The following LDLRAD4 variants were observed in gnomAD, a reference collection of about 807,000 sequenced individuals.
LDLRAD4 encodes low-density lipoprotein receptor class A domain-containing protein 4.
A neutral mutation model predicts 17.0 loss-of-function variants in LDLRAD4; 5 were observed. The ratio of observed to expected loss-of-function variants is 0.29; its 90% CI spans 0.15 to 0.62. The LOEUF (loss-of-function observed/expected upper bound fraction) is 0.62. LDLRAD4 is among the 20% of genes least tolerant of loss of function. The pLI, the probability that LDLRAD4 is intolerant of heterozygous loss-of-function variation, is 0.84. For missense variants in LDLRAD4, 340 were observed against 424.7 expected (o/e 0.80, Z 1.75); for synonymous variants, 168 against 171.8 (o/e 0.98, Z 0.17).
chr18:13,589,136 G>C (rs2094975372), intron 3 of LDLRAD4, among the ~76,000 whole-genome samples: 1 of 152,048 alleles, frequency 6.6e-6, no homozygotes, highest in East Asian at 1.9e-4. Context: ...GTTTTGCTGT[G>C]TTGGCCAGGC....
At chr18:13,391,638 C>G (rs1273132363) in intron 2 of LDLRAD4, among the ~76,000 whole-genome samples, 2 of 151,952 alleles carry the variant, frequency 1.3e-5, no homozygotes, top group Admixed American at 6.6e-5. Flanking sequence ...TTACAAGTAG[C>G]ATCTGCTCAT....
Position 13,400,808 on chromosome 18 carries a change from G to A in LDLRAD4, c.40+13046G>A, listed in dbSNP as rs76317360. On this transcript the variant is annotated intron_variant, in intron 2 of 5. Transcript: ENST00000359446. ...TACGGGCCATGAGGTGAGCCGCGGAGGCCCACTCCTAGATTTATTGACTTC... is the reference window on the plus strand; with the variant it reads ...TACGGGCCATGAGGTGAGCCGCGGAAGCCCACTCCTAGATTTATTGACTTC... Among the ~76,000 whole-genome samples the A allele has an allele frequency of 3.5e-3, 531 of 152,278 alleles. 12 individuals carry two copies. The East Asian group carries it at 0.056, about 16-fold the overall frequency.
intron 3 of LDLRAD4, among the ~76,000 whole-genome samples, chr18:13,599,790 C>G (rs912502411): frequency 6.6e-6 from 1 of 152,048 alleles, no homozygotes; most frequent in Non-Finnish European, 1.5e-5. Flanking sequence ...CGCACCCGGC[C>G]GTGAGTCTCC....
At chr18:13,390,122 C>A (rs1301523570) in intron 2 of LDLRAD4, among the ~76,000 whole-genome samples, 1 of 152,226 alleles carries the variant, frequency 6.6e-6, no homozygotes, top group African/African-American at 2.4e-5. Flanking sequence ...TTTATCATTT[C>A]TTTGTGCTGA....
exon 6 of LDLRAD4, chr18:13,652,674 A>G (rs1370043549): frequency 6.6e-6 from 1 of 152,652 alleles, no homozygotes; most frequent in Non-Finnish European, 1.5e-5. Flanking sequence ...TTTGTTAGTT[A>G]TGAAATCAGA....
At chr18:13,218,592 G>T (rs1344015440), upstream of LDLRAD4, among the ~76,000 whole-genome samples, 1 of 152,132 alleles carries the variant, frequency 6.6e-6, no homozygotes, top group Non-Finnish European at 1.5e-5. Context: ...CGGGAAGGAG[G>T]GGGCGGGCCA....
At chr18:13,480,421 G>A (rs2093054413) in intron 3 of LDLRAD4, among the ~76,000 whole-genome samples, 2 of 152,136 alleles carry the variant, frequency 1.3e-5, no homozygotes, top group Non-Finnish European at 2.9e-5. Flanking sequence ...AGGGAGGGAC[G>A]ATTAGGAGGA....
intron 3 of LDLRAD4, among the ~76,000 whole-genome samples, chr18:13,514,252 A>G (rs375178970): frequency 3.9e-5 from 6 of 152,186 alleles, no homozygotes; most frequent in East Asian, 1.9e-4. Flanking sequence ...TTGGAAGAGT[A>G]AACCGTTTCT....
At chr18:13,472,326 C>T (rs2092800810) in intron 3 of LDLRAD4, 1 of 152,252 alleles carries the variant, frequency 6.6e-6, no homozygotes, top group South Asian at 2.1e-4. Flanking sequence ...TTCATTCAGC[C>T]ACTGGACGGG....
chr18:13,588,177 G>T (rs1192829939), intron 3 of LDLRAD4, among the ~76,000 whole-genome samples: 1 of 152,198 alleles, frequency 6.6e-6, no homozygotes, highest in Non-Finnish European at 1.5e-5. Context: ...GAATTATTTT[G>T]GCTTGAAGCT....
chr18:13,368,601 G>A (rs1224534760), intron 1 of LDLRAD4, among the ~76,000 whole-genome samples: 2 of 152,078 alleles, frequency 1.3e-5, no homozygotes, highest in South Asian at 2.1e-4. Flanking sequence ...GCTGTGTGTC[G>A]GATGCCCTTC....
At chr18:13,285,145 G>T (rs1370986375) in intron 1 of LDLRAD4, among the ~76,000 whole-genome samples, 2 of 152,244 alleles carry the variant, frequency 1.3e-5, no homozygotes, top group Non-Finnish European at 2.9e-5. Flanking sequence ...GAAGCGAAAT[G>T]TGAAGGAGAC....
chr18:13,508,217 T>G (rs1415356102), intron 3 of LDLRAD4, among the ~76,000 whole-genome samples: 1 of 152,166 alleles, frequency 6.6e-6, no homozygotes, highest in Non-Finnish European at 1.5e-5. Context: ...AGGAGAAAAG[T>G]TGGAAGCTAG....
At chr18:13,233,934 T>C (rs756414324) in intron 1 of LDLRAD4, among the ~76,000 whole-genome samples, 4 of 152,054 alleles carry the variant, frequency 2.6e-5, no homozygotes, top group Non-Finnish European at 5.9e-5. Flanking sequence ...ACTGTCCCAT[T>C]CCAGTCACCA....
At chr18:13,580,808 C>T (rs1043180815) in intron 3 of LDLRAD4, among the ~76,000 whole-genome samples, 3 of 152,202 alleles carry the variant, frequency 2.0e-5, no homozygotes, top group Admixed American at 1.3e-4. Flanking sequence ...TGAACTACGG[C>T]TCCCTTTCTA....
At chr18:13,494,482 C>T (rs746892624) in intron 3 of LDLRAD4, among the ~76,000 whole-genome samples, 2 of 150,764 alleles carry the variant, frequency 1.3e-5, no homozygotes, top group Non-Finnish European at 2.9e-5. Flanking sequence ...TATATCTGCC[C>T]TCATAAGACA....
intron 3 of LDLRAD4, among the ~76,000 whole-genome samples, chr18:13,599,780 C>T (rs990265478): frequency 1.2e-4 from 18 of 152,096 alleles, no homozygotes; most frequent in African/African-American, 2.4e-4. Flanking sequence ...CATGAGCCAC[C>T]GCACCCGGCC....
chr18:13,282,220 T>C, intron 1 of LDLRAD4, among the ~76,000 whole-genome samples: 1 of 152,146 alleles, frequency 6.6e-6, no homozygotes, highest in Non-Finnish European at 1.5e-5. Context: ...CCAAACTCTA[T>C]CATCCTGCCC....
upstream of LDLRAD4, among the ~76,000 whole-genome samples, chr18:13,276,742 G>A (rs543275691): frequency 4.6e-5 from 7 of 152,300 alleles, no homozygotes; most frequent in East Asian, 1.2e-3. Context: ...TATGTAGGTC[G>A]CCTGGTGTGG....
Sources: allele counts gnomAD v4.1 joint callset (sites outside exome capture counted in the v4.1 genomes callset), GRCh38; gene constraint gnomAD v4.1.1; transcripts MANE v1.5; gene names NCBI Gene and HGNC (gene_info 2026-07-23, HGNC 2026-07-21).